The following TENM2 variants were observed in gnomAD, a reference collection of about 807,000 sequenced individuals.
TENM2 encodes teneurin transmembrane protein 2, also known as teneurin-2.
Under a neutral mutation model 245.2 loss-of-function variants are expected in TENM2, and 52 were observed. The ratio of observed to expected loss-of-function variants is 0.21; its 90% CI spans 0.17 to 0.27. The LOEUF is 0.27. TENM2 is among the 10% of genes least tolerant of loss of function. The pLI, the probability that TENM2 is intolerant of heterozygous loss-of-function variation, is 1.00. For missense variants in TENM2, 3,046 were observed against 3,666.8 expected, an observed-to-expected ratio of 0.83 and a Z score of 4.37; for synonymous variants, 1,363 against 1,438.9, an observed-to-expected ratio of 0.95 and a Z score of 1.19.
At chr5:168,251,094 G>C (rs1199491415) in intron 27 of TENM2, among the ~76,000 whole-genome samples, 1 of 152,152 alleles carries the variant, frequency 6.6e-6, no homozygotes, top group Non-Finnish European at 1.5e-5. Flanking sequence ...CCATAGGAGA[G>C]AATCCTGCCC....
At chr5:167,086,805 G>A in the TENM2 span, among the ~76,000 whole-genome samples, 1 of 151,934 alleles carries the variant, frequency 6.6e-6, no homozygotes, top group Non-Finnish European at 1.5e-5. Flanking sequence ...AAATAACCAG[G>A]AACATTAATT....
At chr5:167,453,623 A>G (rs1765737978) in intron 2 of TENM2, among the ~76,000 whole-genome samples, 1 of 152,162 alleles carries the variant, frequency 6.6e-6, no homozygotes, top group Admixed American at 6.6e-5. Flanking sequence ...GGTTTCTTTT[A>G]CCTCTTTTGT....
At chr5:167,611,757 G>A (rs73382930) in intron 2 of TENM2, among the ~76,000 whole-genome samples, 4,647 of 151,956 alleles carry the variant, frequency 0.031, 243 homozygotes, top group African/African-American at 0.11. Context: ...CATAGATGGC[G>A]CCTCCTCATT....
chr5:167,333,407 A>T (rs1757569862), intron 1 of TENM2, among the ~76,000 whole-genome samples: 1 of 152,240 alleles, frequency 6.6e-6, no homozygotes, highest in African/African-American at 2.4e-5. Flanking sequence ...TAAAGTTCTT[A>T]AAGCAAGGCC....
the TENM2 span, among the ~76,000 whole-genome samples, chr5:167,186,183 G>A: frequency 2.6e-5 from 4 of 152,074 alleles, no homozygotes; most frequent in Non-Finnish European, 5.9e-5. Context: ...TGCTTTGAAA[G>A]TTTATGTGAA....
chr5:167,354,693 A>G (rs1355335003), intron 1 of TENM2, among the ~76,000 whole-genome samples: 1 of 152,234 alleles, frequency 6.6e-6, no homozygotes, highest in Non-Finnish European at 1.5e-5. Context: ...CCTACTCGTT[A>G]TGTGGCCTTA....
intron 2 of TENM2, among the ~76,000 whole-genome samples, chr5:167,526,336 C>G (rs1582291112): frequency 1.4e-5 from 2 of 147,304 alleles, no homozygotes; most frequent in Admixed American, 6.9e-5. Context: ...CAAAAACTAC[C>G]TATCATTATC....
the TENM2 span, among the ~76,000 whole-genome samples, chr5:167,192,111 G>C: frequency 1.3e-5 from 2 of 152,016 alleles, no homozygotes; most frequent in Admixed American, 1.3e-4. Context: ...AGAAAGCTGT[G>C]TTCAGTGCTC....
chr5:167,556,445 T>C (rs1477728369), intron 2 of TENM2, among the ~76,000 whole-genome samples: 1 of 151,346 alleles, frequency 6.6e-6, no homozygotes, highest in East Asian at 1.9e-4. Flanking sequence ...TATATGTATC[T>C]GTCACATCAA....
At chr5:168,259,665 T>G (rs1398669526) in intron 27 of TENM2, among the ~76,000 whole-genome samples, 1 of 152,178 alleles carries the variant, frequency 6.6e-6, no homozygotes, top group East Asian at 1.9e-4. Context: ...TGTCCAGCTC[T>G]TGGAAACCCC....
chr5:167,235,073 C>A, the TENM2 span, among the ~76,000 whole-genome samples: 1 of 152,162 alleles, frequency 6.6e-6, no homozygotes. Flanking sequence ...GTTCCAGAAG[C>A]TAGAGGTCCA....
intron 2 of TENM2, among the ~76,000 whole-genome samples, chr5:167,383,484 A>C (rs544497291): frequency 7.2e-5 from 11 of 152,230 alleles, no homozygotes; most frequent in African/African-American, 2.6e-4. Flanking sequence ...GCTCTGAACC[A>C]GTTCGAATCT....
chr5:167,876,204 A>G lies in TENM2; in HGVS notation c.712+9A>G, dbSNP rs1561886325. On this transcript the variant is annotated intron_variant, in intron 3 of 28. Coordinates refer to ENST00000518659, the Ensembl canonical transcript of TENM2. ...GCAAGCCTCCAGCAGTGGTAAGGAA[A>G]CTCCGTGGTGTCTGAATGTGTGGTG... 9.1e-6 allele frequency: 14 copies of G among 1,545,794 alleles called. No homozygotes were observed. The highest frequency in any genetic ancestry group is 6.1e-6 in the Non-Finnish European group (7 of 1,141,988).
At chr5:167,524,244 G>T (rs972490982) in intron 2 of TENM2, among the ~76,000 whole-genome samples, 1 of 152,018 alleles carries the variant, frequency 6.6e-6, no homozygotes, top group Non-Finnish European at 1.5e-5. Context: ...GCCATCAATA[G>T]CCATGAGACT....
chr5:167,775,026 A>G (rs1047472496), intron 2 of TENM2, among the ~76,000 whole-genome samples: 2 of 151,848 alleles, frequency 1.3e-5, no homozygotes, highest in African/African-American at 4.8e-5. Flanking sequence ...CTGGAGTGCA[A>G]TGGCGCAATC....
chr5:168,233,984 G>A (rs1010609752), intron 25 of TENM2, among the ~76,000 whole-genome samples: 5 of 152,092 alleles, frequency 3.3e-5, no homozygotes, highest in African/African-American at 1.2e-4. Flanking sequence ...GGGAATTCTA[G>A]GAGATACAAT....
At chr5:168,063,146 A>C (rs1790192911) in intron 7 of TENM2, among the ~76,000 whole-genome samples, 1 of 152,212 alleles carries the variant, frequency 6.6e-6, no homozygotes, top group African/African-American at 2.4e-5. Flanking sequence ...ATTTGTTAAA[A>C]TATCACTAGG....
intron 2 of TENM2, among the ~76,000 whole-genome samples, chr5:167,829,376 G>C (rs1403583930): frequency 6.6e-6 from 1 of 152,172 alleles, no homozygotes; most frequent in Non-Finnish European, 1.5e-5. Context: ...TTACAATATA[G>C]GAGACATGAA....
At chr5:167,275,716 C>T in the TENM2 span, among the ~76,000 whole-genome samples, 21 of 152,044 alleles carry the variant, frequency 1.4e-4, no homozygotes, top group Non-Finnish European at 1.2e-4. Flanking sequence ...TATCCTATGA[C>T]TTCGAGGAAC....
Sources: allele counts gnomAD v4.1 joint callset (sites outside exome capture counted in the v4.1 genomes callset), GRCh38; gene constraint gnomAD v4.1.1; transcripts MANE v1.5; gene names NCBI Gene and HGNC (gene_info 2026-07-23, HGNC 2026-07-21).